MACROD2: variants seen among roughly 807,000 people sequenced by gnomAD.
MACROD2 encodes ADP-ribose glycohydrolase MACROD2.
In MACROD2, 36 loss-of-function variants were observed where a neutral mutation model predicts 70.4. The observed-to-expected ratio is 0.51, with a 90% CI of 0.39 to 0.68. MACROD2 has a LOEUF of 0.68. Among genes scored for constraint, MACROD2 ranks in the 30% least tolerant of loss-of-function variants. The pLI is 0.00. For synonymous variants in MACROD2, 172 were observed against 178.8 expected (o/e 0.96, Z 0.30); for missense variants, 496 against 538.4 (o/e 0.92, Z 0.78).
intron 5 of MACROD2, among the ~76,000 whole-genome samples, chr20:15,075,667 G>C (rs531343513): frequency 6.6e-6 from 1 of 152,080 alleles, no homozygotes; most frequent in Admixed American, 6.6e-5. Context: ...TTTCCCAGTT[G>C]CCCTGAGTAA....
intron 5 of MACROD2, among the ~76,000 whole-genome samples, chr20:15,173,538 T>G (rs1260002930): frequency 6.6e-6 from 1 of 152,192 alleles, no homozygotes; most frequent in African/African-American, 2.4e-5. Flanking sequence ...TGCAAAAACC[T>G]TCATCACATC....
chr20:15,656,367 A>T (rs1382873643), intron 8 of MACROD2, among the ~76,000 whole-genome samples: 1 of 152,170 alleles, frequency 6.6e-6, no homozygotes, highest in African/African-American at 2.4e-5. Context: ...AACATGTACC[A>T]GCTATAAAAT....
chr20:15,256,378 T>C (rs758376115), intron 6 of MACROD2, among the ~76,000 whole-genome samples: 2 of 152,042 alleles, frequency 1.3e-5, no homozygotes, highest in Non-Finnish European at 2.9e-5. Flanking sequence ...AGCTATTATA[T>C]AATTGAAGTA....
chr20:15,461,006 A>ATATATATATATATTTTTTT lies in MACROD2; in HGVS notation c.571+29572_571+29573insATATATATATATTTTTTTT. On this transcript the variant is annotated intron_variant, in intron 7 of 17. Coordinates refer to ENST00000684519, the MANE Select transcript of MACROD2 (RefSeq NM_001351661.2). ...TATATATATATATATATATATATAT[A>ATATATATATATATTTTTTT]TTTTTTTTTAATAGATGGGGTCTTG... 8.4e-3 allele frequency among the ~76,000 whole-genome samples: 559 copies of ATATATATATATATTTTTTT among 66,776 alleles called. 12 individuals are homozygous for ATATATATATATATTTTTTT. Among genetic ancestry groups the ATATATATATATATTTTTTT allele is most frequent in the Middle Eastern group, 0.018 (2 of 110 alleles). The allele number at this position is 66,776 out of a possible 152,430, so 43.8% of individuals were successfully genotyped here.
At chr20:14,446,178 G>A (rs1314904121) in intron 3 of MACROD2, among the ~76,000 whole-genome samples, 2 of 151,982 alleles carry the variant, frequency 1.3e-5, no homozygotes, top group South Asian at 2.1e-4. Flanking sequence ...TTATTCATAA[G>A]CCTCTGATGT....
intron 6 of MACROD2, among the ~76,000 whole-genome samples, chr20:15,302,387 C>CAT (rs1419799032): frequency 6.6e-6 from 1 of 150,554 alleles, no homozygotes; most frequent in African/African-American, 2.4e-5. Context: ...CACACATACA[C>CAT]ACATACAGAT....
chr20:14,077,504 G>C (rs1008750250), intron 2 of MACROD2, among the ~76,000 whole-genome samples: 1 of 152,198 alleles, frequency 6.6e-6, no homozygotes, highest in South Asian at 2.1e-4. Flanking sequence ...ATACATGTAA[G>C]TTAAACTACT....
chr20:15,924,830 A>G (rs1251546798), intron 10 of MACROD2, among the ~76,000 whole-genome samples: 2 of 152,252 alleles, frequency 1.3e-5, no homozygotes, highest in African/African-American at 4.8e-5. Context: ...CCAGTTCTGT[A>G]TTTAACATCT....
intron 13 of MACROD2, among the ~76,000 whole-genome samples, chr20:15,982,469 C>A (rs2066415424): frequency 1.3e-5 from 2 of 152,078 alleles, no homozygotes; most frequent in Non-Finnish European, 2.9e-5. Context: ...CATGTGTGGA[C>A]CAGTCAGCTT....
intron 5 of MACROD2, among the ~76,000 whole-genome samples, chr20:15,019,413 G>A (rs985877637): frequency 6.6e-6 from 1 of 152,150 alleles, no homozygotes; most frequent in South Asian, 2.1e-4. Context: ...TGGCAGGTTT[G>A]TCTAACTACA....
intron 16 of MACROD2, among the ~76,000 whole-genome samples, chr20:16,042,160 C>T (rs888826053): frequency 2.6e-5 from 4 of 152,066 alleles, no homozygotes; most frequent in East Asian, 1.9e-4. Flanking sequence ...TTGTTCCCAC[C>T]GGCTTATCAT....
At chr20:15,901,082 C>A (rs1030509360) in intron 10 of MACROD2, among the ~76,000 whole-genome samples, 2 of 152,148 alleles carry the variant, frequency 1.3e-5, no homozygotes, top group Admixed American at 6.5e-5. Flanking sequence ...CTTTTGCAAG[C>A]AGAGATACAT....
At chr20:15,580,098 G>T (rs1169751396) in intron 8 of MACROD2, among the ~76,000 whole-genome samples, 1 of 152,188 alleles carries the variant, frequency 6.6e-6, no homozygotes, top group African/African-American at 2.4e-5. Context: ...AATACAATGG[G>T]TGACAGTAGT....
At chr20:14,976,412 C>T (rs2074740122) in intron 5 of MACROD2, among the ~76,000 whole-genome samples, 1 of 152,094 alleles carries the variant, frequency 6.6e-6, no homozygotes, top group Non-Finnish European at 1.5e-5. Flanking sequence ...AGCCTCTGCC[C>T]CCATCCTTGT....
At chr20:15,062,487 A>T (rs975363395) in intron 5 of MACROD2, among the ~76,000 whole-genome samples, 3 of 152,074 alleles carry the variant, frequency 2.0e-5, no homozygotes, top group Non-Finnish European at 4.4e-5. Context: ...ACTAGAAGGA[A>T]GGTTCTGTAA....
At chr20:14,411,997 G>A (rs1476807015) in intron 3 of MACROD2, among the ~76,000 whole-genome samples, 1 of 152,072 alleles carries the variant, frequency 6.6e-6, no homozygotes, top group Non-Finnish European at 1.5e-5. Flanking sequence ...AGTGCCCCAA[G>A]AATCCCACAT....
intron 12 of MACROD2, among the ~76,000 whole-genome samples, chr20:15,955,862 C>G (rs184845786): frequency 1.3e-5 from 2 of 152,054 alleles, no homozygotes; most frequent in East Asian, 1.9e-4. Context: ...GGCTTAATAC[C>G]AGGGTAATAG....
chr20:15,191,342 G>C (rs2076569105), intron 5 of MACROD2, among the ~76,000 whole-genome samples: 1 of 152,222 alleles, frequency 6.6e-6, no homozygotes, highest in African/African-American at 2.4e-5. Context: ...TAAGGCTTCA[G>C]AGAAAGCCCT....
intron 6 of MACROD2, among the ~76,000 whole-genome samples, chr20:15,242,749 C>T (rs2077070719): frequency 6.6e-6 from 1 of 152,074 alleles, no homozygotes; most frequent in African/African-American, 2.4e-5. Flanking sequence ...ATAGCACATG[C>T]ATTTTGGTTT....
Sources: gnomAD v4.1 joint callset for allele counts (sites outside exome capture counted in the v4.1 genomes callset) on GRCh38, gnomAD v4.1.1 for gene constraint, MANE v1.5 for transcripts, NCBI Gene and HGNC (gene_info 2026-07-23, HGNC 2026-07-21) for gene names.